Variants in GLE1 observed in about 807,000 individuals in gnomAD.
The protein encoded by GLE1 is mRNA export factor GLE1.
A neutral mutation model predicts 97.3 loss-of-function variants in GLE1; 78 were observed. That is an observed-to-expected ratio of 0.80 (90% CI 0.67 to 0.97). The LOEUF is 0.97. Among genes scored for constraint, GLE1 ranks in the 50% least tolerant of loss-of-function variants. The pLI is 0.00. For missense variants in GLE1, 753 were observed against 857.5 expected (o/e 0.88, Z 1.52); for synonymous variants, 302 against 313.4 (o/e 0.96, Z 0.39).
At chr9:128,523,537 G>C in intron 5 of GLE1, 55 bp from the exon 6 acceptor site, 25 of 1,607,936 alleles carry the variant, frequency 1.6e-5, no homozygotes, top group Non-Finnish European at 2.0e-5. Context: ...GAGGACTGTA[G>C]AAAGAAGAAG....
chr9:128,513,842 C>T (rs1450566070), intron 2 of GLE1, among the ~76,000 whole-genome samples: 1 of 151,572 alleles, frequency 6.6e-6, no homozygotes, highest in Non-Finnish European at 1.5e-5. Flanking sequence ...TGGTGAAACA[C>T]CATCTCTACT....
At chr9:128,523,513 C>A in intron 5 of GLE1, 79 bp from the exon 6 acceptor site, 1 of 1,555,380 alleles carries the variant, frequency 6.4e-7, no homozygotes, top group African/African-American at 1.4e-5. Context: ...AAATATGTAG[C>A]CCACGTAGAA....
At chr9:128,519,927 A>T (rs1037446193) in intron 3 of GLE1, among the ~76,000 whole-genome samples, 2 of 152,046 alleles carry the variant, frequency 1.3e-5, no homozygotes, top group African/African-American at 4.8e-5. Context: ...ATGCTTAGGG[A>T]AAATAGAAAA....
At chr9:128,507,411 A>G (rs2132399331) in intron 1 of GLE1, among the ~76,000 whole-genome samples, 1 of 151,864 alleles carries the variant, frequency 6.6e-6, no homozygotes, top group East Asian at 1.9e-4. Flanking sequence ...GAGAAACCTC[A>G]CCTCTACAAA....
intron 14 of GLE1, 58 bp from the exon 15 acceptor site, chr9:128,540,217 T>A (rs1201045174): frequency 2.6e-6 from 3 of 1,167,650 alleles, no homozygotes; most frequent in Non-Finnish European, 3.9e-6. Flanking sequence ...TGAGACACCG[T>A]TTCCAAAAGA....
At chr9:128,541,051 G>A (rs764596414) in intron 15 of GLE1, 51 bp from the exon 16 acceptor site, 24 of 985,674 alleles carry the variant, frequency 2.4e-5, no homozygotes, top group Non-Finnish European at 4.0e-5. Flanking sequence ...TAAGTGTTGG[G>A]AACACTGTTA....
At chr9:128,505,569 G>A (rs1846617769) in intron 1 of GLE1, among the ~76,000 whole-genome samples, 1 of 152,208 alleles carries the variant, frequency 6.6e-6, no homozygotes, top group African/African-American at 2.4e-5. Flanking sequence ...TTGACTGCCA[G>A]CATATGTGCT....
At chr9:128,505,716 C>T (rs1219152238) in intron 1 of GLE1, among the ~76,000 whole-genome samples, 1 of 152,184 alleles carries the variant, frequency 6.6e-6, no homozygotes, top group Non-Finnish European at 1.5e-5. Flanking sequence ...ATCTTGATCA[C>T]CTGGTTACGT....
chr9:128,505,367 G>T (rs1335441571), intron 1 of GLE1, among the ~76,000 whole-genome samples: 2 of 152,172 alleles, frequency 1.3e-5, no homozygotes, highest in Admixed American at 6.5e-5. Flanking sequence ...CCTAGCATTT[G>T]CAAAGCTCTG....
chr9:128,511,475 A>G (rs1171960379), intron 2 of GLE1, among the ~76,000 whole-genome samples: 2 of 151,770 alleles, frequency 1.3e-5, no homozygotes, highest in Non-Finnish European at 2.9e-5. Context: ...TGGGAGGCCA[A>G]GGCGGGTGGA....
At chr9:128,511,033 T>C (rs1846802974) in intron 2 of GLE1, among the ~76,000 whole-genome samples, 1 of 150,944 alleles carries the variant, frequency 6.6e-6, no homozygotes, top group Admixed American at 6.6e-5. Context: ...AGTGAAACCC[T>C]GTCTCTACTA....
At chr9:128,520,344 G>A (rs996702525) in intron 3 of GLE1, among the ~76,000 whole-genome samples, 413 of 146,876 alleles carry the variant, frequency 2.8e-3, no homozygotes, top group African/African-American at 9.6e-3. Flanking sequence ...ATGTGTATAT[G>A]TGTATATATG....
chr9:128,529,970 G>T (rs538175755), intron 9 of GLE1, among the ~76,000 whole-genome samples: 18 of 152,114 alleles, frequency 1.2e-4, no homozygotes, highest in Non-Finnish European at 2.2e-4. Flanking sequence ...TAGAGACCAG[G>T]TTTCAACGTG....
At position 128,533,880 on chromosome 9, in the gene GLE1, T is replaced by G; in HGVS notation, c.1575T>G (p.His525Gln). The G allele has an allele frequency of 6.2e-7, 1 of 1,613,270 alleles. No individual in the cohort carries two copies. The highest frequency in any genetic ancestry group is 8.5e-7 in the Non-Finnish European group (1 of 1,179,190). The change falls in exon 11 of 16, where the codon CAT becomes CAG. Residue 525 changes from histidine (H) to glutamine (Q), a missense_variant. Coordinates refer to ENST00000309971, the MANE Select transcript of GLE1 (RefSeq NM_001003722.2). ...GGGACCTCATTCTTGCTCATCTACATAAGAAGTGTCCTTACTCTGTTCCTT... is the reference window on the plus strand; with the variant it reads ...GGGACCTCATTCTTGCTCATCTACAGAAGAAGTGTCCTTACTCTGTTCCTT... ...RVGDLILAHL[H>Q]KKCPYSVPFY...
At chr9:128,521,776 C>T (rs1847159645) in intron 3 of GLE1, among the ~76,000 whole-genome samples, 2 of 152,080 alleles carry the variant, frequency 1.3e-5, no homozygotes, top group Admixed American at 1.3e-4. Flanking sequence ...TATATCTTTG[C>T]ACACACATAC....
At chr9:128,509,498 C>T (rs1846741123) in intron 2 of GLE1, among the ~76,000 whole-genome samples, 1 of 151,910 alleles carries the variant, frequency 6.6e-6, no homozygotes. Flanking sequence ...ATTCCTGGCT[C>T]TGTTTTGTCC....
chr9:128,527,318 T>A (rs1327306479), intron 8 of GLE1, 27 bp downstream of exon 8: 1 of 1,408,026 alleles, frequency 7.1e-7, no homozygotes, highest in East Asian at 2.3e-5. Flanking sequence ...TGGCAGTAAT[T>A]TTGTGGACTT....
chr9:128,518,337 G>A (rs1847044754), intron 3 of GLE1, among the ~76,000 whole-genome samples: 1 of 152,118 alleles, frequency 6.6e-6, no homozygotes, highest in South Asian at 2.1e-4. Context: ...GAGGCAGGCA[G>A]ATCACTTGAG....
chr9:128,533,657 T>G lies in GLE1; in HGVS notation c.1455+2T>G. 6.2e-7 allele frequency: 1 copy of G among 1,614,028 alleles called. No individual in the cohort carries two copies. Among genetic ancestry groups the G allele is most frequent in the Non-Finnish European group, 8.5e-7 (1 of 1,179,952 alleles). ...TACAAACTGGCAGAGAAATTTGTGG[T>G]GAGAAACCTTGTTGCTAGAGGTATG... On this transcript the variant is annotated splice_donor_variant, in intron 10 of 15. Coordinates refer to ENST00000309971, the MANE Select transcript of GLE1 (RefSeq NM_001003722.2). LOFTEE classifies it high-confidence loss of function.
Sources: gnomAD v4.1 joint callset for allele counts (sites outside exome capture counted in the v4.1 genomes callset) on GRCh38, gnomAD v4.1.1 for gene constraint, MANE v1.5 for transcripts, NCBI Gene and HGNC (gene_info 2026-07-23, HGNC 2026-07-21) for gene names.